The following GAB2 variants were observed in gnomAD, a reference collection of about 807,000 sequenced individuals.
The protein encoded by GAB2 is GRB2-associated-binding protein 2.
GAB2 carries 26 observed loss-of-function variants against 65.5 expected under a neutral mutation model. That is an observed-to-expected ratio of 0.40 (90% confidence interval 0.29 to 0.55). GAB2 has a LOEUF of 0.55. Ranked by LOEUF, GAB2 falls within the 20% of genes least tolerant of loss-of-function variation. The pLI is 0.53. For missense variants in GAB2, 884 were observed against 875.8 expected, an observed-to-expected ratio of 1.01 and a Z score of -0.12; for synonymous variants, 321 against 329.6, an observed-to-expected ratio of 0.97 and a Z score of 0.28.
intron 1 of GAB2, among the ~76,000 whole-genome samples, chr11:78,332,441 CA>C (rs1855931113): frequency 6.6e-6 from 1 of 152,158 alleles, no homozygotes; most frequent in Non-Finnish European, 1.5e-5. Flanking sequence ...ATCAAGTCCT[CA>C]CTGTGTCTGA....
At chr11:78,315,308 G>C (rs1179823263) in intron 1 of GAB2, among the ~76,000 whole-genome samples, 2 of 152,088 alleles carry the variant, frequency 1.3e-5, no homozygotes, top group African/African-American at 2.4e-5. Context: ...TCTTTGAACT[G>C]CCAAGGATAG....
intron 1 of GAB2, among the ~76,000 whole-genome samples, chr11:78,330,954 A>T (rs1346518031): frequency 6.6e-6 from 1 of 151,900 alleles, no homozygotes; most frequent in Admixed American, 6.6e-5. Context: ...TGGGCAGATC[A>T]TTTGAGGTCA....
intron 1 of GAB2, among the ~76,000 whole-genome samples, chr11:78,362,079 A>G (rs978856423): frequency 6.9e-6 from 1 of 144,698 alleles, no homozygotes; most frequent in African/African-American, 2.5e-5. Flanking sequence ...TATATTATGA[A>G]GTAAAAAAAA....
chr11:78,398,275 T>C (rs1856928038), intron 1 of GAB2, among the ~76,000 whole-genome samples: 1 of 152,176 alleles, frequency 6.6e-6, no homozygotes, highest in Admixed American at 6.5e-5. Context: ...ACCTAAATGT[T>C]ATGGCTCATG....
chr11:78,287,760 T>C (rs1163422142), intron 1 of GAB2, among the ~76,000 whole-genome samples: 1 of 151,832 alleles, frequency 6.6e-6, no homozygotes, highest in Non-Finnish European at 1.5e-5. Flanking sequence ...GTGATTCTTG[T>C]GCCTCAGCCT....
intron 2 of GAB2, among the ~76,000 whole-genome samples, chr11:78,279,086 G>A (rs1317798217): frequency 1.3e-5 from 2 of 151,990 alleles, no homozygotes; most frequent in Non-Finnish European, 2.9e-5. Context: ...ACAAAGATTT[G>A]GGGAAAACAG....
chr11:78,223,057 A>G (rs181332012), intron 6 of GAB2, among the ~76,000 whole-genome samples: 2 of 152,314 alleles, frequency 1.3e-5, no homozygotes, highest in Non-Finnish European at 2.9e-5. Flanking sequence ...ACAGGGGGCT[A>G]TCTCTGCCTA....
At chr11:78,400,343 A>G (rs532909674) in intron 1 of GAB2, among the ~76,000 whole-genome samples, 2 of 152,302 alleles carry the variant, frequency 1.3e-5, no homozygotes, top group East Asian at 1.9e-4. Flanking sequence ...GTGCCTGGAT[A>G]ACTCCATATA....
intron 1 of GAB2, among the ~76,000 whole-genome samples, chr11:78,388,775 C>G (rs1856799164): frequency 6.6e-6 from 1 of 152,200 alleles, no homozygotes; most frequent in Admixed American, 6.5e-5. Context: ...TGCAATGATT[C>G]TATTCCCACC....
chr11:78,242,132 T>C (rs1245396158), intron 3 of GAB2, among the ~76,000 whole-genome samples: 1 of 152,182 alleles, frequency 6.6e-6, no homozygotes, highest in African/African-American at 2.4e-5. Flanking sequence ...CAAGAGGAAA[T>C]TTCAAAATTG....
At chr11:78,287,451 AAT>A (rs1355071149) in intron 1 of GAB2, among the ~76,000 whole-genome samples, 6 of 151,868 alleles carry the variant, frequency 4.0e-5, no homozygotes, top group Admixed American at 2.0e-4. Context: ...CTAATTTCTA[AAT>A]TTTTGTAGAG....
chr11:78,386,389 T>G (rs190920937), intron 1 of GAB2, among the ~76,000 whole-genome samples: 1 of 152,358 alleles, frequency 6.6e-6, no homozygotes, highest in East Asian at 1.9e-4. Flanking sequence ...TCTCTTCTCT[T>G]GCTGACTCTG....
intron 1 of GAB2, among the ~76,000 whole-genome samples, chr11:78,294,875 C>A (rs1866782629): frequency 6.6e-6 from 1 of 151,656 alleles, no homozygotes; most frequent in Non-Finnish European, 1.5e-5. Context: ...CAACAAAAGC[C>A]AAAATTGACA....
intron 2 of GAB2, among the ~76,000 whole-genome samples, chr11:78,258,825 G>T (rs990121457): frequency 6.6e-6 from 1 of 151,942 alleles, no homozygotes; most frequent in Non-Finnish European, 1.5e-5. Flanking sequence ...CATATATAGG[G>T]TACCCTTTTT....
At chr11:78,273,106 A>G (rs1866062153) in intron 2 of GAB2, among the ~76,000 whole-genome samples, 3 of 152,242 alleles carry the variant, frequency 2.0e-5, no homozygotes, top group Admixed American at 2.0e-4. Flanking sequence ...GCCCTCATGG[A>G]AAACCTCTGC....
chr11:78,252,832 C>T (rs1023894609), intron 2 of GAB2, among the ~76,000 whole-genome samples: 4 of 152,158 alleles, frequency 2.6e-5, no homozygotes, highest in South Asian at 2.1e-4. Flanking sequence ...CTTCATCACT[C>T]GTGTTCCCTG....
intron 2 of GAB2, among the ~76,000 whole-genome samples, chr11:78,272,075 A>C (rs1866027990): frequency 6.6e-6 from 1 of 152,180 alleles, no homozygotes; most frequent in Admixed American, 6.6e-5. Context: ...GCCACATGGA[A>C]CTGTAACTCC....
intron 1 of GAB2, among the ~76,000 whole-genome samples, chr11:78,336,302 G>A (rs368533386): frequency 1.7e-5 from 2 of 119,588 alleles, no homozygotes; most frequent in East Asian, 2.7e-4. Flanking sequence ...ACTCCAGCCC[G>A]GGCGACAGAG....
At position 78,242,919 on chromosome 11, in the gene GAB2, T is replaced by A. The variant is rs543907243; in HGVS notation, c.620+7238A>T. On this transcript the variant is annotated intron_variant, in intron 3 of 9. Coordinates refer to ENST00000361507, the MANE Select transcript of GAB2 (RefSeq NM_080491.3). ...GGCTCATGCCTGTAATCCCAGCACT[T>A]TGGGAGGCTGAGGCGGACAGATCAC... Among the ~76,000 whole-genome samples, 3 of 152,214 alleles carry A rather than the reference T, an allele frequency of 2.0e-5. No individual in the cohort carries two copies. The South Asian group carries it at 6.2e-4, about 32-fold the overall frequency.
Sources: allele counts gnomAD v4.1 joint callset (sites outside exome capture counted in the v4.1 genomes callset), GRCh38; gene constraint gnomAD v4.1.1; transcripts MANE v1.5; gene names NCBI Gene and HGNC (gene_info 2026-07-23, HGNC 2026-07-21).